The following CNTNAP2 variants were observed in gnomAD, a reference collection of about 807,000 sequenced individuals.
CNTNAP2 encodes the protein contactin associated protein 2, also known as contactin-associated protein-like 2.
Under a neutral mutation model 155.2 loss-of-function variants are expected in CNTNAP2, and 98 were observed. That is an observed-to-expected ratio of 0.63 (90% CI 0.54 to 0.75). The LOEUF (loss-of-function observed/expected upper bound fraction) is 0.75, where lower values mean the gene tolerates loss of function less well. Ranked by LOEUF, CNTNAP2 falls within the 30% of genes least tolerant of loss-of-function variation. The pLI is 0.00. For synonymous variants in CNTNAP2, 651 were observed against 631.2 expected, an observed-to-expected ratio of 1.03 and a Z score of -0.47; for missense variants, 1,727 against 1,688.1, an observed-to-expected ratio of 1.02 and a Z score of -0.40.
At chr7:148,147,780 A>G in intron 17 of CNTNAP2, 71 bp downstream of exon 17, 2 of 1,504,940 alleles carry the variant, frequency 1.3e-6, no homozygotes, top group Non-Finnish European at 1.8e-6. Flanking sequence ...CAAAAAAAAA[A>G]AAAAATCAGC....
At chr7:147,775,382 TATATTTATAAATATATATATTTATATATA>T (rs1797566995) in intron 13 of CNTNAP2, among the ~76,000 whole-genome samples, 1 of 100,680 alleles carries the variant, frequency 9.9e-6, no homozygotes, top group African/African-American at 4.3e-5. Flanking sequence ...TATATTTATA[TATATTTATAAATATATATATTTATATATA>T]TATTTATATA....
In CNTNAP2 at chr7:146,336,773, C is replaced by T. The variant is rs991425502; in HGVS notation, c.97+219800C>T. ...GCAAAAACAAAAGAAGACCTAACAA[C>T]AAGAAGAACAACAAAAGTGTTGTTA... On this transcript the variant is annotated intron_variant, in intron 1 of 23. Transcript: ENST00000361727. 2.6e-5 allele frequency among the ~76,000 whole-genome samples: 4 copies of T among 152,042 alleles called. No homozygotes were observed. The East Asian group carries it at 7.7e-4, about 29-fold the overall frequency.
chr7:146,686,751 T>G (rs756436141), intron 1 of CNTNAP2, among the ~76,000 whole-genome samples: 3 of 152,196 alleles, frequency 2.0e-5, no homozygotes, highest in Non-Finnish European at 2.9e-5. Context: ...TTACTTGACT[T>G]ACTTAATTCT....
At chr7:147,778,256 C>G (rs559233610) in intron 13 of CNTNAP2, among the ~76,000 whole-genome samples, 35 of 152,222 alleles carry the variant, frequency 2.3e-4, no homozygotes, top group Non-Finnish European at 4.0e-4. Flanking sequence ...GACAGAGACA[C>G]TGTAATATTT....
intron 8 of CNTNAP2, among the ~76,000 whole-genome samples, chr7:147,278,479 T>C (rs1804953567): frequency 6.6e-6 from 1 of 151,694 alleles, no homozygotes; most frequent in African/African-American, 2.4e-5. Flanking sequence ...GGAAGTATAG[T>C]TGGGGACAAA....
At chr7:147,762,155 T>TCA (rs72526174) in intron 13 of CNTNAP2, among the ~76,000 whole-genome samples, 11,043 of 144,312 alleles carry the variant, frequency 0.077, 438 homozygotes, top group African/African-American at 0.12. Flanking sequence ...TCTCTCTGTC[T>TCA]CACACACACA....
intron 13 of CNTNAP2, among the ~76,000 whole-genome samples, chr7:147,742,168 C>T (rs758186024): frequency 1.3e-5 from 2 of 152,164 alleles, no homozygotes; most frequent in Non-Finnish European, 2.9e-5. Context: ...CCTCTCACAA[C>T]ACATGGGAAT....
intron 13 of CNTNAP2, among the ~76,000 whole-genome samples, chr7:147,696,021 A>G (rs1193357600): frequency 1.3e-5 from 2 of 152,144 alleles, no homozygotes; most frequent in Non-Finnish European, 2.9e-5. Flanking sequence ...TCATGTTAGC[A>G]TGATCTATGT....
intron 20 of CNTNAP2, among the ~76,000 whole-genome samples, chr7:148,230,808 A>T (rs1795948795): frequency 6.6e-6 from 1 of 152,176 alleles, no homozygotes; most frequent in Non-Finnish European, 1.5e-5. Context: ...AGGTGGCATA[A>T]TAAGGTTCTC....
At chr7:147,392,073 C>T (rs1007131138) in intron 9 of CNTNAP2, among the ~76,000 whole-genome samples, 3 of 152,020 alleles carry the variant, frequency 2.0e-5, no homozygotes, top group Admixed American at 6.6e-5. Flanking sequence ...TTAACTGTAT[C>T]TTTTTCTTTT....
chr7:147,154,503 T>C lies in CNTNAP2; in HGVS notation c.1348+21994T>C, dbSNP rs183621034. On this transcript the variant is annotated intron_variant, in intron 8 of 23. Transcript: ENST00000361727. Reference sequence around the variant, plus strand: ...AAACTTACTTGTTTATCATAAACAATTGTAGACACTGATAGATAATACTTG... The same window carrying C: ...AAACTTACTTGTTTATCATAAACAACTGTAGACACTGATAGATAATACTTG... Among the ~76,000 whole-genome samples the C allele has an allele frequency of 1.4e-4, 21 of 152,340 alleles. 2 individuals carry two copies. In the South Asian group the frequency reaches 1.9e-3, roughly 14 times the overall value.
intron 1 of CNTNAP2, among the ~76,000 whole-genome samples, chr7:146,420,332 G>T (rs1320102575): frequency 6.6e-6 from 1 of 152,056 alleles, no homozygotes; most frequent in East Asian, 1.9e-4. Flanking sequence ...TTTTGCAAGG[G>T]TTTCTGTTAA....
intron 1 of CNTNAP2, among the ~76,000 whole-genome samples, chr7:146,454,890 T>C (rs1315202874): frequency 6.6e-6 from 1 of 152,186 alleles, no homozygotes; most frequent in East Asian, 1.9e-4. Flanking sequence ...AAAATTGTAT[T>C]ATACTTTTCC....
chr7:146,588,521 T>A (rs1182310370), intron 1 of CNTNAP2, among the ~76,000 whole-genome samples: 206 of 43,508 alleles, frequency 4.7e-3, no homozygotes, highest in African/African-American at 0.011. Context: ...TATATGTATT[T>A]TTTTTTTTTT....
At chr7:146,227,428 CAAAAAAAA>C (rs755623604) in intron 1 of CNTNAP2, among the ~76,000 whole-genome samples, 7 of 58,726 alleles carry the variant, frequency 1.2e-4, no homozygotes, top group East Asian at 5.4e-4. Flanking sequence ...CTGTCTCAAA[CAAAAAAAA>C]AAAAAAAAAA....
chr7:146,411,622 A>T (rs1795865776), intron 1 of CNTNAP2, among the ~76,000 whole-genome samples: 1 of 152,098 alleles, frequency 6.6e-6, no homozygotes, highest in African/African-American at 2.4e-5. Context: ...TCAGGCATTT[A>T]AAAATTATTA....
chr7:148,217,141 A>C, intron 18 of CNTNAP2, 147 bp from the exon 19 acceptor site: 1 of 702,232 alleles, frequency 1.4e-6, no homozygotes, highest in Non-Finnish European at 2.5e-6. Flanking sequence ...ATTTGTGTTG[A>C]TGCAATAGCA....
intron 1 of CNTNAP2, among the ~76,000 whole-genome samples, chr7:146,160,925 C>T (rs1156388806): frequency 6.6e-6 from 1 of 152,140 alleles, no homozygotes; most frequent in Admixed American, 6.6e-5. Context: ...ACCAATATCT[C>T]TGATGAATAT....
chr7:148,409,703 G>A (rs1395564278), intron 23 of CNTNAP2, among the ~76,000 whole-genome samples: 1 of 151,394 alleles, frequency 6.6e-6, no homozygotes, highest in Non-Finnish European at 1.5e-5. Context: ...GATCACCTGA[G>A]GTCAGGAATT....
Sources: gnomAD v4.1 joint callset for allele counts (sites outside exome capture counted in the v4.1 genomes callset) on GRCh38, gnomAD v4.1.1 for gene constraint, MANE v1.5 for transcripts, NCBI Gene and HGNC (gene_info 2026-07-23, HGNC 2026-07-21) for gene names.